Variants in FMNL3 observed in about 807,000 individuals in gnomAD.
The protein encoded by FMNL3 is formin-like protein 3.
FMNL3 carries 57 observed loss-of-function variants against 119.6 expected under a neutral mutation model. The ratio of observed to expected loss-of-function variants is 0.48; its 90% confidence interval spans 0.39 to 0.59. The LOEUF is 0.59. Among genes scored for constraint, FMNL3 ranks in the 20% least tolerant of loss-of-function variants. The pLI, the probability that FMNL3 is intolerant of heterozygous loss-of-function variation, is 0.00. For missense variants in FMNL3, 1,053 were observed against 1,323.5 expected, an observed-to-expected ratio of 0.80 and a Z score of 3.17; for synonymous variants, 491 against 507.3, an observed-to-expected ratio of 0.97 and a Z score of 0.43.
chr12:49,668,352 C>G, intron 2 of FMNL3, 119 bp downstream of exon 2: 1 of 889,190 alleles, frequency 1.1e-6, no homozygotes, highest in Admixed American at 2.1e-5. Flanking sequence ...CAGATGAGGC[C>G]AAGCTTAGGC....
At chr12:49,681,401 C>T (rs537945584) in intron 1 of FMNL3, among the ~76,000 whole-genome samples, 2 of 152,310 alleles carry the variant, frequency 1.3e-5, no homozygotes, top group African/African-American at 4.8e-5. Flanking sequence ...CAAGGTTTCA[C>T]GGTGGTCTTG....
At chr12:49,686,371 G>GATT (rs1460502475) in intron 1 of FMNL3, among the ~76,000 whole-genome samples, 1 of 151,692 alleles carries the variant, frequency 6.6e-6, no homozygotes, top group African/African-American at 2.4e-5. Context: ...CACGAGGTTA[G>GATT]GAGACCAATA....
Position 49,661,948 on chromosome 12 carries a change from C to G in FMNL3, c.452+18G>C. On this transcript the variant is annotated intron_variant, in intron 5 of 25. Coordinates refer to ENST00000335154, the MANE Select transcript of FMNL3 (RefSeq NM_175736.5). ...TCCCCCAACTGGTCCCCAACTTCAG[C>G]CCCGGGGTGGTACTCACATGACAGA... The G allele has an allele frequency of 6.2e-7, 1 of 1,612,906 alleles. No individual in the cohort carries two copies. Among genetic ancestry groups the G allele is most frequent in the South Asian group, 1.1e-5 (1 of 91,044 alleles).
At position 49,665,821 on chromosome 12, in the gene FMNL3, A is replaced by G; in HGVS notation, c.368+11T>C. The G allele has an allele frequency of 1.2e-6, 2 of 1,614,174 alleles. No individual in the cohort carries two copies. The highest frequency in any genetic ancestry group is 1.7e-6 in the Non-Finnish European group (2 of 1,179,986). ...GCCAGATGAAGAGGCTATACGGCCAATCCAACTCACCCAATGTGGTTGGTG... is the reference window on the plus strand; with the variant it reads ...GCCAGATGAAGAGGCTATACGGCCAGTCCAACTCACCCAATGTGGTTGGTG... On this transcript the variant is annotated intron_variant, in intron 4 of 25. Transcript: ENST00000335154.
In FMNL3 at chr12:49,649,147, G is replaced by C; in HGVS notation, c.2397C>G (p.Thr799=). 1 of 1,613,116 alleles carries C rather than the reference G, an allele frequency of 6.2e-7. No individual in the cohort carries two copies. Among genetic ancestry groups the C allele is most frequent in the East Asian group, 2.2e-5 (1 of 44,886 alleles). The change falls in exon 21 of 26, where the codon ACC becomes ACG. Residue 799 remains threonine (T), a synonymous_variant. Coordinates refer to ENST00000335154, the MANE Select transcript of FMNL3 (RefSeq NM_175736.5). This position sits in a 1 kb window ranked among gnomAD's most constrained non-coding sequence, Gnocchi z 5.6. Reference sequence around the variant, plus strand: ...GTGTCATCTTCCGGTCAGTGGACTTGGTATCCAGCAGCTAGGAGAGGGGGT... The same window carrying C: ...GTGTCATCTTCCGGTCAGTGGACTTCGTATCCAGCAGCTAGGAGAGGGGGT... The part of the protein sequence containing the change: ...KLQSLDLLLD[T]KSTDRKMTLL...
rs749526968 is a variant in FMNL3 at position 49,649,061 on chromosome 12, T to G, written c.2483A>C (p.His828Pro). Residue 828 changes from histidine to proline, a missense_variant, in exon 21 of 26, where the codon CAT becomes CCT. His to Pro is a moderately conservative substitution (Grantham distance 77). This residue lies in a region of FMNL3 where 324 missense variants were observed against 380.9 expected (regional missense o/e 0.85). Transcript: ENST00000335154. This position sits in a 1 kb window ranked among gnomAD's most constrained non-coding sequence, Gnocchi z 5.6. ...AGCCTTCTCAACAAAGTGCAGCTCA[T>G]GCCAGAAGTTAGCCAGGTCTGGGTA... Reference protein sequence around the residue: ...EKYPDLANFWHELHFVEKAAA... With the variant: ...EKYPDLANFWPELHFVEKAAA... The G allele has an allele frequency of 4.0e-5, 65 of 1,610,522 alleles. No homozygotes were observed. The highest frequency in any genetic ancestry group is 4.6e-5 in the Non-Finnish European group (54 of 1,178,174).
At chr12:49,691,772 G>A (rs1256194293) in intron 1 of FMNL3, among the ~76,000 whole-genome samples, 1 of 152,008 alleles carries the variant, frequency 6.6e-6, no homozygotes, top group Non-Finnish European at 1.5e-5. Flanking sequence ...GGTGGCTCAC[G>A]CCTATAATCC....
At position 49,642,151 on chromosome 12, in the gene FMNL3, C is replaced by T. The variant is rs371683314; in HGVS notation, c.*3664G>A. On this transcript the variant is annotated 3_prime_UTR_variant, in exon 26 of 26. Coordinates refer to ENST00000335154, the MANE Select transcript of FMNL3 (RefSeq NM_175736.5). This position sits in a 1 kb window ranked among gnomAD's most constrained non-coding sequence, Gnocchi z 5.8. The stretch of plus-strand genomic sequence containing the variant: ...ATGGTGGTAGAAGCCCAGACCCTAA[C>T]TTTCCACCTCCTAAGGTATGCCTGA... The T allele has an allele frequency of 5.0e-6, 8 of 1,608,592 alleles. No individual in the cohort carries two copies. Among genetic ancestry groups the T allele is most frequent in the Admixed American group, 1.7e-5 (1 of 59,836 alleles).
Position 49,642,220 on chromosome 12 carries a change from C to T in FMNL3, c.*3595G>A. The T allele has an allele frequency of 6.2e-7, 1 of 1,613,664 alleles. No homozygotes were observed. Reference sequence around the variant, plus strand: ...CCTCCTGGGTGACCCTGTTCCGTGTCCCTTCTTTCCTCAGCTGCTGGAGAA... The same window carrying T: ...CCTCCTGGGTGACCCTGTTCCGTGTTCCTTCTTTCCTCAGCTGCTGGAGAA... On this transcript the variant is annotated 3_prime_UTR_variant, in exon 26 of 26. Coordinates refer to ENST00000335154, the MANE Select transcript of FMNL3 (RefSeq NM_175736.5). The surrounding 1 kb of genome is among the most constrained non-coding windows in gnomAD (Gnocchi z 5.8).
intron 21 of FMNL3, 66 bp downstream of exon 21, chr12:49,648,963 C>T: frequency 2.6e-6 from 4 of 1,524,244 alleles, no homozygotes; most frequent in Non-Finnish European, 2.6e-6. Flanking sequence ...TCTCTCTCCT[C>T]ATAGCTTCCT....
rs772698766 is a variant in FMNL3 at position 49,653,770 on chromosome 12, A to G, written c.1176T>C (p.Asn392=). The change falls in exon 12 of 26, where the codon AAT becomes AAC. Residue 392 remains asparagine (N), a synonymous_variant. Transcript: ENST00000335154. ...ACTCCTCCACCTTCTCCAGGGCTAC[A>G]TTCTTGGTCTCAGCATCCTCCAACA... ...GGLLEDAETK[N]VALEKVEELE... is the part of the protein sequence containing the mutation. 1.2e-6 allele frequency: 2 copies of G among 1,614,176 alleles called. No homozygotes were observed. The highest frequency in any genetic ancestry group is 1.7e-6 in the Non-Finnish European group (2 of 1,180,038).
intron 1 of FMNL3, among the ~76,000 whole-genome samples, chr12:49,682,936 A>G (rs945166267): frequency 6.6e-6 from 1 of 152,170 alleles, no homozygotes; most frequent in African/African-American, 2.4e-5. Context: ...TTTTGGGGCC[A>G]GGGTTTTGTT....
Position 49,642,999 on chromosome 12 carries a change from C to T in FMNL3, c.*2816G>A, listed in dbSNP as rs764267443. On this transcript the variant is annotated 3_prime_UTR_variant, in exon 26 of 26. Coordinates refer to ENST00000335154, the MANE Select transcript of FMNL3 (RefSeq NM_175736.5). The surrounding 1 kb of genome is among the most constrained non-coding windows in gnomAD (Gnocchi z 5.8). ...GAAAGGCAAGAAGCACCATCACAAG[C>T]GTTCCCACTCACCCTCAGTGAGTAA... 10 of 1,613,648 alleles carry T rather than the reference C, an allele frequency of 6.2e-6. No individual in the cohort carries two copies. Among genetic ancestry groups the T allele is most frequent in the South Asian group, 2.2e-5 (2 of 91,004 alleles).
chr12:49,683,827 G>A (rs183605504), intron 1 of FMNL3, among the ~76,000 whole-genome samples: 1 of 152,100 alleles, frequency 6.6e-6, no homozygotes, highest in African/African-American at 2.4e-5. Flanking sequence ...CACTTCAACG[G>A]CACTGAGCAG....
chr12:49,649,933 G>T lies in FMNL3; in HGVS notation c.2001-8C>A. 1 of 1,609,552 alleles carries T rather than the reference G, an allele frequency of 6.2e-7. No homozygotes were observed. The highest frequency in any genetic ancestry group is 2.2e-5 in the East Asian group (1 of 44,750). ...AGTGTCTGCAAGTCAAACCTGTGGA[G>T]GAGGGAGGGACCACCTCAGTTCTCA... On this transcript the variant is annotated splice_region_variant and splice_polypyrimidine_tract_variant and intron_variant, in intron 17 of 25. Coordinates refer to ENST00000335154, the MANE Select transcript of FMNL3 (RefSeq NM_175736.5). The surrounding 1 kb of genome is among the most constrained non-coding windows in gnomAD (Gnocchi z 5.6).
In FMNL3 at chr12:49,644,549, A is replaced by G. The variant is rs1349868232; in HGVS notation, c.*1266T>C. 6.8e-6 allele frequency: 2 copies of G among 293,826 alleles called. No homozygotes were observed. The highest frequency in any genetic ancestry group is 6.7e-6 in the Non-Finnish European group (1 of 149,906). 18.2% of individuals were successfully genotyped at this position (293,826 alleles called of 1,614,324 possible). On this transcript the variant is annotated 3_prime_UTR_variant, in exon 26 of 26. Transcript: ENST00000335154. ...GAGGGCAGGGTCATCACCCTCTAGC[A>G]TCAGTGCCTGCTCCTGCCTGCCCTG... is the stretch of plus-strand genomic sequence containing the variant.
Position 49,649,897 on chromosome 12 carries a change from A to G in FMNL3, c.2029T>C (p.Phe677Leu). 1 of 1,613,990 alleles carries G rather than the reference A, an allele frequency of 6.2e-7. No individual in the cohort carries two copies. Among genetic ancestry groups the G allele is most frequent in the Non-Finnish European group, 8.5e-7 (1 of 1,180,008 alleles). Residue 677 changes from phenylalanine to leucine, a missense_variant, in exon 18 of 26, where the codon TTC (phenylalanine) becomes CTC (leucine). Physicochemically the swap from Phe to Leu is conservative, Grantham distance 22 (BLOSUM62 0). Transcript: ENST00000335154. This position sits in a 1 kb window ranked among gnomAD's most constrained non-coding sequence, Gnocchi z 5.6. The stretch of plus-strand genomic sequence containing the variant: ...AGGAAGCGCATCAGGCACTCCACGA[A>G]GTCCACAGGTAGTGTCTGCAAGTCA... ...TFDLQTLPVD[F>L]VECLMRFLPT...
rs571766256 is a variant in FMNL3 at position 49,700,497 on chromosome 12, G to A, written c.126+6558C>T. On this transcript the variant is annotated intron_variant, in intron 1 of 25. Coordinates refer to ENST00000335154, the MANE Select transcript of FMNL3 (RefSeq NM_175736.5). ...TGGGAGGCCGAGGCAGGTGGGTCGC[G>A]TGAGGTCAGGAGTTTGAGATCAGCC... Among the ~76,000 whole-genome samples, 48 of 149,492 alleles carry A rather than the reference G, an allele frequency of 3.2e-4. No homozygotes were observed. The South Asian group carries it at 5.1e-3, about 16-fold the overall frequency.
At chr12:49,659,803 A>G in intron 5 of FMNL3, 1 of 985,418 alleles carries the variant, frequency 1.0e-6, no homozygotes, top group Non-Finnish European at 1.2e-6. Flanking sequence ...TCCTCACTTC[A>G]GGATATACCC....
Sources: allele counts gnomAD v4.1 joint callset (sites outside exome capture counted in the v4.1 genomes callset), GRCh38; gene constraint gnomAD v4.1.1; regional missense constraint gnomAD v4.1.1; non-coding constraint Gnocchi (gnomAD v3.1); transcripts MANE v1.5; gene names NCBI Gene and HGNC (gene_info 2026-07-23, HGNC 2026-07-21).